GLIS3: variants seen among roughly 807,000 people sequenced by gnomAD.
GLIS3 encodes GLIS family zinc finger 3, also known as zinc finger protein GLIS3.
In GLIS3, 53 loss-of-function variants were observed where a neutral mutation model predicts 78.6. That is an observed-to-expected ratio of 0.67 (90% CI 0.54 to 0.85). GLIS3 has a LOEUF of 0.85. GLIS3 is among the 40% of genes least tolerant of loss of function. The pLI is 0.00. For missense variants in GLIS3, 1,703 were observed against 1,231.1 expected (o/e 1.38, Z -5.74); for synonymous variants, 684 against 509.9 (o/e 1.34, Z -4.60).
At chr9:4,329,671 A>T (rs1212744659) in intron 2 of GLIS3, among the ~76,000 whole-genome samples, 1 of 152,118 alleles carries the variant, frequency 6.6e-6, no homozygotes, top group Admixed American at 6.6e-5. Flanking sequence ...GAAATTTAAA[A>T]TTCATCTAGT....
chr9:3,899,975 A>G (rs1011477590), intron 6 of GLIS3, among the ~76,000 whole-genome samples: 2 of 152,200 alleles, frequency 1.3e-5, no homozygotes, highest in Admixed American at 6.5e-5. Flanking sequence ...GATGGCATTT[A>G]TAAAAAGCTT....
At chr9:4,421,612 G>A in the GLIS3 span, among the ~76,000 whole-genome samples, 2 of 152,326 alleles carry the variant, frequency 1.3e-5, no homozygotes, top group Admixed American at 6.5e-5. Context: ...AGTTGTCACT[G>A]GAACCGGCAG....
intron 4 of GLIS3, among the ~76,000 whole-genome samples, chr9:4,075,116 A>G (rs888723569): frequency 1.6e-5 from 2 of 124,276 alleles, no homozygotes; most frequent in African/African-American, 9.4e-5. Context: ...ACAACAACAA[A>G]GGGAATTTCT....
the GLIS3 span, among the ~76,000 whole-genome samples, chr9:4,355,492 A>G: frequency 2.0e-5 from 3 of 152,344 alleles, no homozygotes; most frequent in African/African-American, 7.2e-5. Flanking sequence ...CCTTTGACAC[A>G]GTACATAGCT....
At chr9:4,347,757 G>C (rs1387783041) in intron 1 of GLIS3, among the ~76,000 whole-genome samples, 2 of 151,976 alleles carry the variant, frequency 1.3e-5, no homozygotes, top group Non-Finnish European at 2.9e-5. Context: ...TGGGGGTTGG[G>C]GGAGTCTATC....
At chr9:3,848,481 G>A (rs1053579429) in intron 9 of GLIS3, among the ~76,000 whole-genome samples, 2 of 152,120 alleles carry the variant, frequency 1.3e-5, no homozygotes, top group East Asian at 1.9e-4. Flanking sequence ...CAGCCTGGAC[G>A]ACAAGAGCGA....
At chr9:3,904,953 C>G (rs73386104) in intron 6 of GLIS3, among the ~76,000 whole-genome samples, 1,742 of 151,726 alleles carry the variant, frequency 0.011, 34 homozygotes, top group African/African-American at 0.039. Context: ...CAGGCTAACA[C>G]AGTTTCTCTT....
At chr9:4,276,394 AAGGGAAGGGGAGGGG>A (rs1826995840) in intron 2 of GLIS3, among the ~76,000 whole-genome samples, 2 of 31,822 alleles carry the variant, frequency 6.3e-5, no homozygotes, top group African/African-American at 1.2e-4. Context: ...GAGGGGAGGG[AAGGGAAGGGGAGGGG>A]AGGGAAGGGG....
chr9:4,275,099 G>T (rs1826862806), intron 2 of GLIS3, among the ~76,000 whole-genome samples: 1 of 152,154 alleles, frequency 6.6e-6, no homozygotes, highest in South Asian at 2.1e-4. Context: ...GTATCTGCCT[G>T]CCTGGGTTTA....
chr9:3,965,188 C>CTTTTTTTTTTTT lies in GLIS3; in HGVS notation c.1711-28000_1711-27999insAAAAAAAAAAAA, dbSNP rs750454441. Among the ~76,000 whole-genome samples the CTTTTTTTTTTTT allele has an allele frequency of 4.3e-3, 421 of 98,882 alleles. 23 individuals carry two copies. The highest frequency in any genetic ancestry group is 5.0e-3 in the Non-Finnish European group (254 of 50,508). 64.9% of individuals were successfully genotyped at this position (98,882 alleles called of 152,430 possible). A position where few individuals can be genotyped will look rare whatever the true frequency, so the allele number is the denominator to read the frequency against. ...TACTTCTTTTCTATTTCTTTCTTTT[C>CTTTTTTTTTTTT]TTTTCTTTTTTTTTTTTTTTTTTTG... On this transcript the variant is annotated intron_variant, in intron 4 of 10. Coordinates refer to ENST00000381971, the MANE Select transcript of GLIS3 (RefSeq NM_001042413.2).
At chr9:4,018,537 A>G (rs1193721605) in intron 4 of GLIS3, among the ~76,000 whole-genome samples, 1 of 152,182 alleles carries the variant, frequency 6.6e-6, no homozygotes, top group African/African-American at 2.4e-5. Context: ...AAGGGGCTTC[A>G]CAGGTTCTTG....
chr9:4,437,422 ATC>A, the GLIS3 span, among the ~76,000 whole-genome samples: 1,293 of 56,908 alleles, frequency 0.023, 22 homozygotes, highest in African/African-American at 0.055. Flanking sequence ...GTATGTATGT[ATC>A]TATCTATCTA....
At chr9:4,083,687 T>A (rs1049556899) in intron 4 of GLIS3, among the ~76,000 whole-genome samples, 2 of 152,118 alleles carry the variant, frequency 1.3e-5, no homozygotes, top group East Asian at 1.9e-4. Context: ...AGTAATGAGG[T>A]CAAGAAAAAT....
chr9:4,250,270 G>C (rs141931804), intron 2 of GLIS3, among the ~76,000 whole-genome samples: 2 of 151,746 alleles, frequency 1.3e-5, no homozygotes, highest in South Asian at 2.1e-4. Flanking sequence ...TGGTTGGTAG[G>C]CTATTATTGC....
At chr9:4,380,434 G>C in the GLIS3 span, among the ~76,000 whole-genome samples, 91 of 152,274 alleles carry the variant, frequency 6.0e-4, no homozygotes, top group Non-Finnish European at 9.4e-4. Context: ...ACAGAGTATT[G>C]TTAACAACAA....
intron 2 of GLIS3, among the ~76,000 whole-genome samples, chr9:4,174,792 A>C (rs966537475): frequency 1.3e-5 from 2 of 152,240 alleles, no homozygotes; most frequent in African/African-American, 4.8e-5. Context: ...GAGGCAGTAC[A>C]CGTTGATTCC....
At chr9:4,079,414 C>G (rs1235465955) in intron 4 of GLIS3, among the ~76,000 whole-genome samples, 1 of 152,172 alleles carries the variant, frequency 6.6e-6, no homozygotes, top group Non-Finnish European at 1.5e-5. Context: ...GATTTGCAAG[C>G]CATAGCGAAG....
chr9:3,965,012 A>T (rs1817826717), intron 4 of GLIS3, among the ~76,000 whole-genome samples: 1 of 151,528 alleles, frequency 6.6e-6, no homozygotes, highest in Non-Finnish European at 1.5e-5. Context: ...TCTTGGACAT[A>T]AAAAAAATAG....
At chr9:4,211,032 A>C (rs961454517) in intron 2 of GLIS3, among the ~76,000 whole-genome samples, 3 of 152,206 alleles carry the variant, frequency 2.0e-5, no homozygotes, top group African/African-American at 7.2e-5. Flanking sequence ...CCTGTCTTGC[A>C]AGGTTAGGCT....
Sources: gnomAD v4.1 joint callset for allele counts (sites outside exome capture counted in the v4.1 genomes callset) on GRCh38, gnomAD v4.1.1 for gene constraint, MANE v1.5 for transcripts, NCBI Gene and HGNC (gene_info 2026-07-23, HGNC 2026-07-21) for gene names.